Variants in PRKG1 observed in about 807,000 individuals in gnomAD.
The protein encoded by PRKG1 is cGMP-dependent protein kinase 1.
PRKG1 carries 35 observed loss-of-function variants against 88.1 expected under a neutral mutation model. That is an observed-to-expected ratio of 0.40 (90% CI 0.30 to 0.53). The LOEUF (loss-of-function observed/expected upper bound fraction) is 0.53. Among genes scored for constraint, PRKG1 ranks in the 20% least tolerant of loss-of-function variants. The pLI is 0.59. For synonymous variants in PRKG1, 303 were observed against 292.5 expected, an observed-to-expected ratio of 1.04 and a Z score of -0.37; for missense variants, 540 against 839.8, an observed-to-expected ratio of 0.64 and a Z score of 4.41.
intron 9 of PRKG1, among the ~76,000 whole-genome samples, chr10:52,197,188 A>T (rs1392605880): frequency 6.6e-6 from 1 of 151,588 alleles, no homozygotes; most frequent in Non-Finnish European, 1.5e-5. Flanking sequence ...TCAGTGTTAG[A>T]TCTCAGAGTT....
intron 3 of PRKG1, among the ~76,000 whole-genome samples, chr10:51,594,775 CT>C (rs1838400344): frequency 6.6e-6 from 1 of 152,098 alleles, no homozygotes; most frequent in African/African-American, 2.4e-5. Context: ...ACTCAGATGG[CT>C]TTCTTTAGCA....
chr10:51,876,475 A>C (rs945210754), intron 4 of PRKG1, among the ~76,000 whole-genome samples: 2 of 152,152 alleles, frequency 1.3e-5, no homozygotes, highest in African/African-American at 4.8e-5. Context: ...CAATTTTCCT[A>C]GGGTAGGTCT....
intron 9 of PRKG1, among the ~76,000 whole-genome samples, chr10:52,199,822 T>A (rs1839612610): frequency 6.6e-6 from 1 of 152,094 alleles, no homozygotes; most frequent in Admixed American, 6.5e-5. Flanking sequence ...GGACAACCAG[T>A]GGAGCAGTTA....
In PRKG1 at chr10:52,171,787, T is replaced by A. The variant is rs1339512611; in HGVS notation, c.1076+9824T>A. 7.0e-3 allele frequency among the ~76,000 whole-genome samples: 114 copies of A among 16,274 alleles called. 1 individual carries two copies. The highest frequency in any genetic ancestry group is 0.021 in the African/African-American group (104 of 5,072). 10.7% of individuals were successfully genotyped at this position (16,274 alleles called of 152,430 possible). A position where few individuals can be genotyped will look rare whatever the true frequency, so the allele number is the denominator to read the frequency against. On this transcript the variant is annotated intron_variant, in intron 9 of 17. Coordinates refer to ENST00000373980, the MANE Select transcript of PRKG1 (RefSeq NM_006258.4). Reference sequence around the variant, plus strand: ...TAGAAGTATTTTTCTTTTATCAAAATTTTTTTTTTTTTTTTTTTTTTTTTT... The same window carrying A: ...TAGAAGTATTTTTCTTTTATCAAAAATTTTTTTTTTTTTTTTTTTTTTTTT...
chr10:51,900,337 G>A (rs903082421), intron 4 of PRKG1, among the ~76,000 whole-genome samples: 3 of 152,076 alleles, frequency 2.0e-5, no homozygotes, highest in Admixed American at 1.3e-4. Flanking sequence ...TCCAACAAGT[G>A]GCAGTTCCTT....
intron 2 of PRKG1, among the ~76,000 whole-genome samples, chr10:51,269,813 A>G (rs932399438): frequency 3.3e-5 from 5 of 152,196 alleles, no homozygotes; most frequent in African/African-American, 1.2e-4. Flanking sequence ...ATCACCACTA[A>G]TGAACTTATC....
chr10:51,208,200 C>CT (rs1374089636), intron 2 of PRKG1, among the ~76,000 whole-genome samples: 2 of 152,168 alleles, frequency 1.3e-5, no homozygotes, highest in Non-Finnish European at 2.9e-5. Context: ...GAAAAATAAG[C>CT]TAACTGTGGA....
At chr10:51,545,751 T>C (rs905358536) in intron 3 of PRKG1, among the ~76,000 whole-genome samples, 6 of 152,094 alleles carry the variant, frequency 3.9e-5, no homozygotes, top group Non-Finnish European at 8.8e-5. Context: ...TACTGTATTC[T>C]TAAAATATTA....
chr10:52,042,827 A>G (rs1845781762), intron 5 of PRKG1, among the ~76,000 whole-genome samples: 1 of 152,122 alleles, frequency 6.6e-6, no homozygotes, highest in South Asian at 2.1e-4. Context: ...TATACATCCA[A>G]CTGGGCATTA....
chr10:51,639,412 C>T (rs1017678447), intron 3 of PRKG1, among the ~76,000 whole-genome samples: 3 of 123,028 alleles, frequency 2.4e-5, no homozygotes, highest in South Asian at 2.7e-4. Flanking sequence ...CCAGCCTGGG[C>T]GGCGACAGAG....
intron 3 of PRKG1, among the ~76,000 whole-genome samples, chr10:51,477,717 G>T (rs137883550): frequency 2.6e-5 from 4 of 152,096 alleles, no homozygotes; most frequent in Admixed American, 1.3e-4. Flanking sequence ...GAAATAATCT[G>T]GAAGGGAGTT....
At chr10:51,562,532 CTTG>C (rs1837494057) in intron 3 of PRKG1, among the ~76,000 whole-genome samples, 1 of 152,000 alleles carries the variant, frequency 6.6e-6, no homozygotes, top group Admixed American at 6.6e-5. Context: ...GTTTGAGGCT[CTTG>C]TTATACTCCT....
intron 2 of PRKG1, among the ~76,000 whole-genome samples, chr10:51,377,365 A>G (rs181786523): frequency 3.3e-4 from 51 of 152,312 alleles, no homozygotes; most frequent in African/African-American, 1.2e-3. Context: ...TTGATACATG[A>G]TAGGAGCTCA....
intron 4 of PRKG1, among the ~76,000 whole-genome samples, chr10:51,856,285 C>T (rs888725293): frequency 6.6e-6 from 1 of 152,202 alleles, no homozygotes; most frequent in African/African-American, 2.4e-5. Flanking sequence ...GGGATTATGA[C>T]ATGGACATCT....
chr10:51,148,247 C>T (rs1845986615), intron 1 of PRKG1: 1 of 985,286 alleles, frequency 1.0e-6, no homozygotes, highest in Non-Finnish European at 1.2e-6. Flanking sequence ...AATGGATAGA[C>T]AATACTGTAG....
At chr10:51,016,049 C>T (rs1843054168) in intron 1 of PRKG1, among the ~76,000 whole-genome samples, 1 of 152,206 alleles carries the variant, frequency 6.6e-6, no homozygotes, top group Non-Finnish European at 1.5e-5. Context: ...AGGTGATCAT[C>T]TGAGTGATAC....
At position 51,526,605 on chromosome 10, in the gene PRKG1, T is replaced by C. The variant is rs141427936; in HGVS notation, c.592+58769T>C. Among the ~76,000 whole-genome samples the C allele has an allele frequency of 2.5e-3, 376 of 152,350 alleles. 5 individuals carry two copies. The highest frequency in any genetic ancestry group is 8.8e-3 in the African/African-American group (366 of 41,580). On this transcript the variant is annotated intron_variant, in intron 3 of 17. Coordinates refer to ENST00000373980, the MANE Select transcript of PRKG1 (RefSeq NM_006258.4). ...AGAAGTTCCTAGCTTTTTACAGTTT[T>C]ATCACATACATGTATGACTCTAGAT...
chr10:51,498,376 AT>A (rs1253673382), intron 3 of PRKG1, among the ~76,000 whole-genome samples: 3 of 152,226 alleles, frequency 2.0e-5, no homozygotes, highest in Admixed American at 6.5e-5. Flanking sequence ...TAATCTAGCT[AT>A]GTTTACATTT....
intron 4 of PRKG1, among the ~76,000 whole-genome samples, chr10:51,873,820 T>C (rs927212121): frequency 6.6e-6 from 1 of 152,190 alleles, no homozygotes; most frequent in African/African-American, 2.4e-5. Flanking sequence ...TGAGCCACCA[T>C]GCCCGGCCAA....
Sources: allele counts gnomAD v4.1 joint callset (sites outside exome capture counted in the v4.1 genomes callset), GRCh38; gene constraint gnomAD v4.1.1; transcripts MANE v1.5; gene names NCBI Gene and HGNC (gene_info 2026-07-23, HGNC 2026-07-21).